CDC14A: variants seen among roughly 807,000 people sequenced by gnomAD.
CDC14A encodes the protein cell division cycle 14A.
In CDC14A, 53 loss-of-function variants were observed where a neutral mutation model predicts 74.4. The ratio of observed to expected loss-of-function variants is 0.71; its 90% CI spans 0.57 to 0.89. The LOEUF (loss-of-function observed/expected upper bound fraction) is 0.89, where lower values mean the gene tolerates loss of function less well. Ranked by LOEUF, CDC14A falls within the 40% of genes least tolerant of loss-of-function variation. The probability of loss-of-function intolerance (pLI) is 0.00; values close to 1 mark genes in which losing one functional copy is unlikely to be tolerated. For missense variants in CDC14A, 646 were observed against 713.7 expected, an observed-to-expected ratio of 0.91 and a Z score of 1.08; for synonymous variants, 247 against 258.4, an observed-to-expected ratio of 0.96 and a Z score of 0.43.
At chr1:100,377,521 G>T (rs781095812) in intron 2 of CDC14A, 25 bp from the exon 3 acceptor site, 3 of 1,546,452 alleles carry the variant, frequency 1.9e-6, no homozygotes, top group Non-Finnish European at 2.7e-6. Context: ...TAAATACTAC[G>T]TTTTTTGTTT....
rs914756668 is a variant in CDC14A at position 100,519,290 on chromosome 1, T to C, written c.*1010T>C. On this transcript the variant is annotated 3_prime_UTR_variant, in exon 16 of 16. Transcript: ENST00000336454. ...GTAGTTCTCTGTATTAAAGGAGATATTTTTAAAACAGGGTACAACCCCCTG... is the reference window on the plus strand; with the variant it reads ...GTAGTTCTCTGTATTAAAGGAGATACTTTTAAAACAGGGTACAACCCCCTG... The C allele has an allele frequency of 6.6e-6, 1 of 152,124 alleles. No individual in the cohort carries two copies. 9.4% of individuals were successfully genotyped at this position (152,124 alleles called of 1,614,324 possible).
intron 10 of CDC14A, among the ~76,000 whole-genome samples, chr1:100,480,392 G>T (rs1055020197): frequency 9.9e-5 from 15 of 152,232 alleles, no homozygotes; most frequent in Admixed American, 9.2e-4. Context: ...CCATTCATTT[G>T]TTGATGGACG....
intron 2 of CDC14A, among the ~76,000 whole-genome samples, chr1:100,356,717 G>A (rs570887501): frequency 1.2e-4 from 19 of 152,114 alleles, no homozygotes; most frequent in Non-Finnish European, 7.4e-5. Context: ...AGCTGGGCAT[G>A]GTGGCGTGTT....
upstream of CDC14A, among the ~76,000 whole-genome samples, chr1:100,349,735 C>G (rs1650747737): frequency 6.6e-6 from 1 of 152,134 alleles, no homozygotes; most frequent in South Asian, 2.1e-4. Flanking sequence ...GTAATCACAG[C>G]TCACTGAAAC....
chr1:100,454,173 A>T (rs998978872), intron 7 of CDC14A, among the ~76,000 whole-genome samples: 2 of 152,112 alleles, frequency 1.3e-5, no homozygotes, highest in African/African-American at 2.4e-5. Flanking sequence ...TTTGTTTAAC[A>T]AATATTTATT....
At chr1:100,372,081 A>G (rs758811618) in intron 2 of CDC14A, among the ~76,000 whole-genome samples, 3 of 152,244 alleles carry the variant, frequency 2.0e-5, no homozygotes, top group Non-Finnish European at 4.4e-5. Context: ...ACTGTGGTCT[A>G]TTAAGTGTGT....
intron 4 of CDC14A, among the ~76,000 whole-genome samples, chr1:100,402,424 T>C (rs1294016544): frequency 6.6e-6 from 1 of 152,232 alleles, no homozygotes; most frequent in Non-Finnish European, 1.5e-5. Flanking sequence ...GGTAATTCTT[T>C]AAATTTTTTG....
intron 9 of CDC14A, among the ~76,000 whole-genome samples, chr1:100,465,539 C>A (rs184938601): frequency 6.6e-6 from 1 of 152,270 alleles, no homozygotes; most frequent in East Asian, 1.9e-4. Context: ...ATTCAAGCAG[C>A]ACTCAGTCTT....
Position 100,501,099 on chromosome 1 carries a change from A to G in CDC14A, c.1755+1837A>G, listed in dbSNP as rs200177806. ...TACCCCTTAATCTGATTCTGATCCC[A>G]TGATCCCACTATAAAAATTGGGTGT... On this transcript the variant is annotated intron_variant, in intron 15 of 15. Transcript: ENST00000336454. Among the ~76,000 whole-genome samples, 15 of 152,286 alleles carry G rather than the reference A, an allele frequency of 9.8e-5. No homozygotes were observed. The East Asian group carries it at 1.2e-3, about 12-fold the overall frequency.
chr1:100,461,078 A>G (rs1180120625), intron 8 of CDC14A, among the ~76,000 whole-genome samples: 6 of 152,262 alleles, frequency 3.9e-5, no homozygotes, highest in Non-Finnish European at 5.9e-5. Context: ...AACACTGAAG[A>G]AACCAGAATA....
At chr1:100,420,033 C>CATATATATATACATATAT (rs1349627424) in intron 4 of CDC14A, among the ~76,000 whole-genome samples, 1,727 of 38,754 alleles carry the variant, frequency 0.045, 17 homozygotes, top group Non-Finnish European at 0.053. Flanking sequence ...TACATATATA[C>CATATATATATACATATAT]ACACACACAC....
intron 15 of CDC14A, among the ~76,000 whole-genome samples, chr1:100,512,098 T>C (rs187759298): frequency 6.6e-6 from 1 of 152,196 alleles, no homozygotes; most frequent in East Asian, 1.9e-4. Context: ...TTTGTATTTC[T>C]TGACCTGGCT....
upstream of CDC14A, among the ~76,000 whole-genome samples, chr1:100,352,254 G>GC (rs1167595064): frequency 2.6e-5 from 4 of 152,186 alleles, no homozygotes; most frequent in Non-Finnish European, 5.9e-5. Context: ...TGGGCCGAGG[G>GC]CCCCGTTTCC....
chr1:100,348,606 G>C (rs1281682101), upstream of CDC14A, among the ~76,000 whole-genome samples: 1 of 152,198 alleles, frequency 6.6e-6, no homozygotes, highest in African/African-American at 2.4e-5. Flanking sequence ...AAAGTGAGGG[G>C]CTTGAAGCCA....
At chr1:100,354,075 T>A (rs1651537640) in intron 2 of CDC14A, among the ~76,000 whole-genome samples, 1 of 152,182 alleles carries the variant, frequency 6.6e-6, no homozygotes, top group South Asian at 2.1e-4. Flanking sequence ...CTGTTTTAGT[T>A]CTTCCTACCA....
At chr1:100,482,183 T>G (rs1032345845) in intron 10 of CDC14A, among the ~76,000 whole-genome samples, 2 of 152,222 alleles carry the variant, frequency 1.3e-5, no homozygotes. Flanking sequence ...ATTTTATAAC[T>G]TCTTTTGAAA....
intron 4 of CDC14A, among the ~76,000 whole-genome samples, chr1:100,402,898 A>G (rs1659454834): frequency 6.6e-6 from 1 of 152,236 alleles, no homozygotes; most frequent in South Asian, 2.1e-4. Context: ...AGTGTTTCAA[A>G]TACACTAGTC....
chr1:100,390,190 A>G (rs1159841193), intron 3 of CDC14A, among the ~76,000 whole-genome samples: 1 of 152,200 alleles, frequency 6.6e-6, no homozygotes, highest in Non-Finnish European at 1.5e-5. Context: ...TAATTTTTTA[A>G]TGGTATTTTT....
chr1:100,373,959 C>A (rs1332955239), intron 2 of CDC14A, among the ~76,000 whole-genome samples: 1 of 152,132 alleles, frequency 6.6e-6, no homozygotes, highest in East Asian at 1.9e-4. Context: ...CCTACCTCCC[C>A]CCACCCCACA....
Sources: allele counts gnomAD v4.1 joint callset (sites outside exome capture counted in the v4.1 genomes callset), GRCh38; gene constraint gnomAD v4.1.1; transcripts MANE v1.5; gene names NCBI Gene and HGNC (gene_info 2026-07-23, HGNC 2026-07-21).